Variants in PSMD9 observed in about 807,000 individuals in gnomAD.
PSMD9 encodes 26S proteasome non-ATPase regulatory subunit 9.
Under a neutral mutation model 25.9 loss-of-function variants are expected in PSMD9, and 26 were observed. The ratio of observed to expected loss-of-function variants is 1.00; its 90% CI spans 0.73 to 1.39. The LOEUF (loss-of-function observed/expected upper bound fraction) is 1.39, where lower values mean the gene tolerates loss of function less well. Among genes scored for constraint, PSMD9 ranks in the 40% most tolerant of loss-of-function variants. The probability of loss-of-function intolerance (pLI) is 0.00; values close to 1 mark genes in which losing one functional copy is unlikely to be tolerated. For missense variants in PSMD9, 303 were observed against 299.3 expected, an observed-to-expected ratio of 1.01 and a Z score of -0.09; for synonymous variants, 110 against 114.5, an observed-to-expected ratio of 0.96 and a Z score of 0.25.
intron 4 of PSMD9, among the ~76,000 whole-genome samples, chr12:121,909,927 C>T (rs535583610): frequency 6.6e-6 from 1 of 152,032 alleles, no homozygotes; most frequent in Admixed American, 6.6e-5. Context: ...GCACATTTAC[C>T]CTTCATAGAT....
At chr12:121,902,659 C>A (rs1879435116) in intron 3 of PSMD9, 1 of 219,120 alleles carries the variant, frequency 4.6e-6, no homozygotes, top group Non-Finnish European at 9.3e-6. Flanking sequence ...GCCTGGCTTG[C>A]CTTCTCTTAC....
intron 4 of PSMD9, among the ~76,000 whole-genome samples, chr12:121,906,395 C>T (rs965949682): frequency 7.9e-5 from 12 of 152,086 alleles, no homozygotes; most frequent in African/African-American, 2.2e-4. Flanking sequence ...CCTTGCATAG[C>T]ACAGTGGCTC....
intron 4 of PSMD9, among the ~76,000 whole-genome samples, chr12:121,906,720 A>G (rs1430166286): frequency 6.6e-6 from 1 of 151,760 alleles, no homozygotes; most frequent in Non-Finnish European, 1.5e-5. Context: ...CTGCTGAGGC[A>G]GGAGAATCAC....
chr12:121,902,189 C>T (rs755805563), intron 3 of PSMD9: 6 of 152,206 alleles, frequency 3.9e-5, no homozygotes, highest in Non-Finnish European at 8.8e-5. Flanking sequence ...CTAATCTTTA[C>T]TCATTTCATC....
At position 121,912,391 on chromosome 12, in the gene PSMD9, A is replaced by C. The variant is rs75558632; in HGVS notation, c.556-3465A>C. ...TTTCCACTGCCGTGCACCGTTTCAC[A>C]TTCCCACCAGTGGTGCACAGGGCTC... is the stretch of plus-strand genomic sequence containing the variant. On this transcript the variant is annotated intron_variant, in intron 4 of 5. Transcript: ENST00000541212. Among the ~76,000 whole-genome samples the C allele has an allele frequency of 1.2e-3, 184 of 152,194 alleles. 1 individual carries two copies. Among genetic ancestry groups the C allele is most frequent in the African/African-American group, 4.3e-3 (178 of 41,526 alleles).
intron 4 of PSMD9, among the ~76,000 whole-genome samples, chr12:121,912,321 G>A (rs1309122947): frequency 8.5e-5 from 13 of 152,186 alleles, no homozygotes; most frequent in Admixed American, 2.0e-4. Context: ...GTGAGCCACC[G>A]TGCCCGGCGC....
At chr12:121,909,757 T>TGTTCATTCCTTTGAATGAACCCACCA (rs1879663508) in intron 4 of PSMD9, among the ~76,000 whole-genome samples, 1 of 152,196 alleles carries the variant, frequency 6.6e-6, no homozygotes, top group East Asian at 1.9e-4. Flanking sequence ...CCATGTTCCA[T>TGTTCATTCCTTTGAATGAACCCACCA]TGGTCGGTTC....
intron 4 of PSMD9, among the ~76,000 whole-genome samples, chr12:121,906,630 C>A (rs1287682602): frequency 7.0e-6 from 1 of 142,130 alleles, no homozygotes; most frequent in Non-Finnish European, 1.5e-5. Context: ...TGGTGAAAAC[C>A]GGTCTCTACT....
chr12:121,899,471 GCT>G, intron 2 of PSMD9, 161 bp from the exon 3 acceptor site: 1 of 644,660 alleles, frequency 1.6e-6, no homozygotes, highest in South Asian at 2.0e-5. Context: ...AGGACTGAAT[GCT>G]CCATGAGGGA....
At chr12:121,903,157 A>G (rs1447834965) in intron 4 of PSMD9, 50 bp downstream of exon 4, 1 of 1,470,226 alleles carries the variant, frequency 6.8e-7, no homozygotes. Context: ...TTCTAACAGT[A>G]TGCCATAGAC....
At chr12:121,911,262 A>T (rs1344277392) in intron 4 of PSMD9, among the ~76,000 whole-genome samples, 1 of 151,590 alleles carries the variant, frequency 6.6e-6, no homozygotes, top group African/African-American at 2.4e-5. Context: ...CTGGTCTTAA[A>T]CTCCTTATCT....
At chr12:121,914,886 A>C (rs1879849466) in intron 4 of PSMD9, 1 of 152,198 alleles carries the variant, frequency 6.6e-6, no homozygotes, top group Admixed American at 6.6e-5. Flanking sequence ...GCATGGTTAA[A>C]AAATTAATGA....
intron 4 of PSMD9, among the ~76,000 whole-genome samples, chr12:121,911,432 C>T (rs944231739): frequency 1.2e-4 from 18 of 152,298 alleles, no homozygotes; most frequent in African/African-American, 4.3e-4. Context: ...TAATATTCGA[C>T]TGTATGTATA....
Position 121,888,997 on chromosome 12 carries a change from G to A in PSMD9, c.138+3G>A. On this transcript the variant is annotated splice_donor_region_variant and intron_variant, in intron 1 of 5. Transcript: ENST00000541212. ...CCAACTATGACGTGCTGGAAAGCGTGAGTGTGGGTTCGGGGCGCCCCAAGT... is the reference window on the plus strand; with the variant it reads ...CCAACTATGACGTGCTGGAAAGCGTAAGTGTGGGTTCGGGGCGCCCCAAGT... 6.3e-7 allele frequency: 1 copy of A among 1,582,524 alleles called. No homozygotes were observed. The highest frequency in any genetic ancestry group is 8.6e-7 in the Non-Finnish European group (1 of 1,164,540).
intron 4 of PSMD9, among the ~76,000 whole-genome samples, chr12:121,905,185 T>C (rs1879517095): frequency 6.6e-6 from 1 of 151,700 alleles, no homozygotes; most frequent in South Asian, 2.1e-4. Context: ...GATCCACCTT[T>C]TTCAGTGTAC....
rs1879335567 is a variant in PSMD9, at chr12:121,899,772, G to A, written c.380G>A (p.Ser127Asn). The A allele has an allele frequency of 6.2e-7, 1 of 1,613,980 alleles. No homozygotes were observed. The highest frequency in any genetic ancestry group is 1.3e-5 in the African/African-American group (1 of 74,934). Reference sequence around the variant, plus strand: ...GCCATGAGCCGCAAACTGGGTCAGAGTGAGAGCCAGGGCCCTCCACGGGCC... The same window carrying A: ...GCCATGAGCCGCAAACTGGGTCAGAATGAGAGCCAGGGCCCTCCACGGGCC... Reference protein sequence around the residue: ...KEAMSRKLGQSESQGPPRAFA... With the variant: ...KEAMSRKLGQNESQGPPRAFA... Residue 127 changes from serine (S) to asparagine (N), a missense_variant, in exon 3 of 6, where the codon AGT (serine) becomes AAT (asparagine). Transcript: ENST00000541212.
At position 121,918,163 on chromosome 12, in the gene PSMD9, A is replaced by G. The variant is rs1424268087; in HGVS notation, c.*1852A>G. ...TGTGCTGAGAACCGCAAGCTGGTGC[A>G]CCCTGTGTCATATCTGCCCCCAGCC... is the stretch of plus-strand genomic sequence containing the variant. On this transcript the variant is annotated 3_prime_UTR_variant, in exon 6 of 6. Transcript: ENST00000541212. The surrounding 1 kb of genome is among the most constrained non-coding windows in gnomAD (Gnocchi z 4.3). 1 of 152,290 alleles carries G rather than the reference A, an allele frequency of 6.6e-6. No individual in the cohort carries two copies. The highest frequency in any genetic ancestry group is 1.5e-5 in the Non-Finnish European group (1 of 68,130). The allele number at this position is 152,290 out of a possible 1,614,324, so 9.4% of individuals were successfully genotyped here.
chr12:121,913,675 T>C lies in PSMD9; in HGVS notation c.556-2181T>C, dbSNP rs969676041. ...CCTGGCTAATTAAAAAAAATATATG[T>C]TTTTTGTAAAGACGAGATCTCTCTT... On this transcript the variant is annotated intron_variant, in intron 4 of 5. Coordinates refer to ENST00000541212, the MANE Select transcript of PSMD9 (RefSeq NM_002813.7). Among the ~76,000 whole-genome samples the C allele has an allele frequency of 3.3e-5, 5 of 151,626 alleles. No individual in the cohort carries two copies. In the South Asian group the frequency reaches 1.0e-3, roughly 32 times the overall value.
chr12:121,911,695 C>T (rs1430935368), intron 4 of PSMD9, among the ~76,000 whole-genome samples: 1 of 149,626 alleles, frequency 6.7e-6, no homozygotes, highest in Non-Finnish European at 1.5e-5. Flanking sequence ...CTTGCTCTCA[C>T]CCAGGCTGGA....
Sources: allele counts gnomAD v4.1 joint callset (sites outside exome capture counted in the v4.1 genomes callset), GRCh38; gene constraint gnomAD v4.1.1; non-coding constraint Gnocchi (gnomAD v3.1); transcripts MANE v1.5; gene names NCBI Gene and HGNC (gene_info 2026-07-23, HGNC 2026-07-21).